Variants in TMTC1 observed in about 807,000 individuals in gnomAD.
TMTC1 encodes protein O-mannosyl-transferase TMTC1.
Under a neutral mutation model 104.8 loss-of-function variants are expected in TMTC1, and 73 were observed. The ratio of observed to expected loss-of-function variants is 0.70; its 90% CI spans 0.58 to 0.85. The LOEUF (loss-of-function observed/expected upper bound fraction) is 0.85. Ranked by LOEUF, TMTC1 falls within the 40% of genes least tolerant of loss-of-function variation. The pLI, the probability that TMTC1 is intolerant of heterozygous loss-of-function variation, is 0.00. For synonymous variants in TMTC1, 434 were observed against 428.7 expected (o/e 1.01, Z -0.15); for missense variants, 1,035 against 1,096.1 (o/e 0.94, Z 0.79).
chr12:29,716,637 A>G (rs1591968024), intron 5 of TMTC1, among the ~76,000 whole-genome samples: 2 of 152,170 alleles, frequency 1.3e-5, no homozygotes, highest in South Asian at 2.1e-4. Flanking sequence ...TAATGAAAAC[A>G]TAAAATTGTA....
intron 17 of TMTC1, among the ~76,000 whole-genome samples, chr12:29,511,617 T>C (rs1244941112): frequency 1.3e-5 from 2 of 152,156 alleles, no homozygotes; most frequent in African/African-American, 2.4e-5. Flanking sequence ...AGAAAAGGTA[T>C]ATTAGACATA....
chr12:29,538,511 T>C (rs998954140), intron 10 of TMTC1, among the ~76,000 whole-genome samples: 1 of 145,680 alleles, frequency 6.9e-6, no homozygotes, highest in South Asian at 2.3e-4. Context: ...TAATTTAGCT[T>C]AGATATTCTT....
intron 9 of TMTC1, among the ~76,000 whole-genome samples, chr12:29,567,173 C>G (rs951559729): frequency 2.6e-5 from 4 of 152,236 alleles, no homozygotes; most frequent in Admixed American, 2.6e-4. Context: ...CATCTCCTTT[C>G]TTCTGCTGCC....
chr12:29,752,128 A>AACACACAC (rs146261837), intron 4 of TMTC1, among the ~76,000 whole-genome samples: 43,123 of 150,120 alleles, frequency 0.29, 6,167 homozygotes, highest in Middle Eastern at 0.44. Context: ...GATGGCCACC[A>AACACACAC]ACACACACAC....
At chr12:29,710,922 TATAAATATATTAATA>T (rs1271927788) in intron 5 of TMTC1, among the ~76,000 whole-genome samples, 4 of 13,040 alleles carry the variant, frequency 3.1e-4, no homozygotes, top group Admixed American at 2.2e-3. Context: ...TATAAATATA[TATAAATATATTAATA>T]ATATATAAAT....
intron 6 of TMTC1, among the ~76,000 whole-genome samples, chr12:29,619,223 T>C (rs1947066509): frequency 6.6e-6 from 1 of 152,198 alleles, no homozygotes; most frequent in Non-Finnish European, 1.5e-5. Flanking sequence ...TCTTATTAAA[T>C]AGTGTGACTT....
At chr12:29,758,870 G>C in intron 2 of TMTC1, 93 bp from the exon 3 acceptor site, 1 of 1,093,928 alleles carries the variant, frequency 9.1e-7, no homozygotes, top group Non-Finnish European at 1.3e-6. Context: ...TTTGTTGTTA[G>C]ATAAATGGAA....
At position 29,503,778 on chromosome 12, in the gene TMTC1, AAATTATT is replaced by A. The variant is rs2136117292; in HGVS notation, c.*3061_*3067del. 1 of 152,262 alleles carries A rather than the reference AAATTATT, an allele frequency of 6.6e-6. No homozygotes were observed. Among genetic ancestry groups the A allele is most frequent in the African/African-American group, 2.4e-5 (1 of 41,538 alleles). 9.4% of individuals were successfully genotyped at this position (152,262 alleles called of 1,614,324 possible). Reference sequence around the variant, plus strand: ...ATGAAAGTGTGGACCTCTTGCTCAAAAATTATTAATTATTAAGAATTTCAGTTGGACA... The same window carrying A: ...ATGAAAGTGTGGACCTCTTGCTCAAAAATTATTAAGAATTTCAGTTGGACA... On this transcript the variant is annotated 3_prime_UTR_variant, in exon 18 of 18. Coordinates refer to ENST00000539277, the MANE Select transcript of TMTC1 (RefSeq NM_001193451.2).
chr12:29,739,432 C>T lies in TMTC1; in HGVS notation c.938+12234G>A, dbSNP rs74080001. Among the ~76,000 whole-genome samples the T allele has an allele frequency of 3.7e-3, 560 of 152,310 alleles. 8 individuals carry two copies. Among genetic ancestry groups the T allele is most frequent in the African/African-American group, 0.012 (490 of 41,578 alleles). On this transcript the variant is annotated intron_variant, in intron 5 of 17. Transcript: ENST00000539277. ...TTAAGACTCAGCTTGAGCCAAACTT[C>T]CCAAGCTGGCTAAGGTCACCTCTCC...
At chr12:29,733,451 T>G (rs2136922049) in intron 5 of TMTC1, among the ~76,000 whole-genome samples, 1 of 152,204 alleles carries the variant, frequency 6.6e-6, no homozygotes, top group Admixed American at 6.5e-5. Flanking sequence ...TGAAGGGAAA[T>G]CCTTAACATC....
At chr12:29,518,678 C>A in intron 12 of TMTC1, 71 bp from the exon 13 acceptor site, 2 of 1,535,620 alleles carry the variant, frequency 1.3e-6, no homozygotes, top group South Asian at 1.2e-5. Context: ...TTCACTTTCT[C>A]TTCTGACTTA....
chr12:29,685,603 A>G (rs1479788656), intron 5 of TMTC1, among the ~76,000 whole-genome samples: 1 of 152,116 alleles, frequency 6.6e-6, no homozygotes, highest in Admixed American at 6.5e-5. Flanking sequence ...CTCTGTTAAG[A>G]GGCATTATTT....
chr12:29,567,905 A>T (rs1203108519), intron 9 of TMTC1, among the ~76,000 whole-genome samples: 1 of 152,240 alleles, frequency 6.6e-6, no homozygotes, highest in East Asian at 1.9e-4. Context: ...TGATATATTC[A>T]AGACATCAGC....
chr12:29,577,729 C>T (rs1333604235), intron 8 of TMTC1, among the ~76,000 whole-genome samples: 5 of 152,054 alleles, frequency 3.3e-5, no homozygotes, highest in Non-Finnish European at 2.9e-5. Flanking sequence ...GGGGTGGGTG[C>T]TGAAATACTA....
intron 5 of TMTC1, among the ~76,000 whole-genome samples, chr12:29,695,828 T>TAA (rs1555188383): frequency 2.0e-4 from 21 of 106,152 alleles, no homozygotes; most frequent in South Asian, 9.0e-4. Context: ...TATATATATA[T>TAA]AACCTGTCTT....
chr12:29,600,010 T>TATATATATATATATATA (rs71985661), intron 7 of TMTC1, among the ~76,000 whole-genome samples: 15 of 96,334 alleles, frequency 1.6e-4, no homozygotes, highest in Admixed American at 4.7e-4. Flanking sequence ...ATATATATAT[T>TATATATATATATATATA]TTTTTTTTTT....
chr12:29,660,073 G>A (rs1218936194), intron 5 of TMTC1: 10 of 981,834 alleles, frequency 1.0e-5, no homozygotes, highest in Admixed American at 2.2e-5. Flanking sequence ...AGGGAATGAA[G>A]TCAGTCACCC....
chr12:29,581,037 G>A (rs537865326), intron 8 of TMTC1, among the ~76,000 whole-genome samples: 3 of 152,226 alleles, frequency 2.0e-5, no homozygotes, highest in African/African-American at 4.8e-5. Context: ...AGATAAACAC[G>A]AGTATTTTAC....
intron 11 of TMTC1, among the ~76,000 whole-genome samples, chr12:29,531,900 C>A (rs1944514554): frequency 6.6e-6 from 1 of 152,112 alleles, no homozygotes; most frequent in African/African-American, 2.4e-5. Context: ...CCCATGATCA[C>A]AGTCTATTCA....
Sources: allele counts gnomAD v4.1 joint callset (sites outside exome capture counted in the v4.1 genomes callset), GRCh38; gene constraint gnomAD v4.1.1; transcripts MANE v1.5; gene names NCBI Gene and HGNC (gene_info 2026-07-23, HGNC 2026-07-21).